COPA: variants seen among roughly 807,000 people sequenced by gnomAD.
The protein encoded by COPA is coat protein complex I subunit alpha.
COPA carries 10 observed loss-of-function variants against 158.7 expected under a neutral mutation model. The observed-to-expected ratio is 0.06, with a 90% CI of 0.04 to 0.11. The LOEUF (loss-of-function observed/expected upper bound fraction) is 0.11, where lower values mean the gene tolerates loss of function less well. Among genes scored for constraint, COPA ranks in the 10% least tolerant of loss-of-function variants. The pLI is 1.00. For synonymous variants in COPA, 462 were observed against 542.8 expected (o/e 0.85, Z 2.07); for missense variants, 1,065 against 1,536.7 (o/e 0.69, Z 5.13).
At chr1:160,304,022 T>TC (rs1491148485) in intron 17 of COPA, among the ~76,000 whole-genome samples, 1 of 151,862 alleles carries the variant, frequency 6.6e-6, no homozygotes, top group Non-Finnish European at 1.5e-5. Context: ...AATTTTTTGT[T>TC]CTTTTTTTTT....
rs750590749 is a variant in COPA, at chr1:160,332,564, G to GAA, written c.387-9_387-8dup. 37 of 1,404,094 alleles carry GAA rather than the reference G, an allele frequency of 2.6e-5. No homozygotes were observed. The highest frequency in any genetic ancestry group is 9.1e-5 in the Admixed American group (4 of 44,066). 87.0% of individuals were successfully genotyped at this position (1,404,094 alleles called of 1,614,324 possible). Reference sequence around the variant, plus strand: ...GTTGTGCCCTGTTAACACACTGCAAGAAAAAAAAAAGACAATACCAAATTA... The same window carrying GAA: ...GTTGTGCCCTGTTAACACACTGCAAGAAAAAAAAAAAAGACAATACCAAATTA... On this transcript the variant is annotated splice_region_variant and splice_polypyrimidine_tract_variant and intron_variant, in intron 5 of 32. Transcript: ENST00000241704.
Position 160,323,491 on chromosome 1 carries a change from T to C in COPA, c.646A>G (p.Thr216Ala), listed in dbSNP as rs530428285. The C allele has an allele frequency of 5.6e-6, 9 of 1,611,026 alleles. No homozygotes were observed. Among genetic ancestry groups the C allele is most frequent in the African/African-American group, 1.3e-5 (1 of 74,932 alleles). ...GCCCCAGATACAATAAGGGGCATAG[T>C]GGGGTGGAAGGCAGCCCAGTTTACT... ...RGVNWAAFHP[T>A]MPLIVSGADD... Residue 216 changes from threonine (T) to alanine (A), a missense_variant, in exon 8 of 33, where the codon ACT (threonine) becomes GCT (alanine). Thr to Ala is a moderately conservative substitution (Grantham distance 58). Transcript: ENST00000241704.
At chr1:160,313,841 G>A (rs140870753) in intron 9 of COPA, 149 bp downstream of exon 9, 10 of 627,624 alleles carry the variant, frequency 1.6e-5, no homozygotes, top group African/African-American at 1.1e-4. Flanking sequence ...TGTAAATGTT[G>A]ACTGATCTCT....
chr1:160,336,683 G>A (rs1186516995), intron 3 of COPA, among the ~76,000 whole-genome samples: 1 of 151,996 alleles, frequency 6.6e-6, no homozygotes, highest in Non-Finnish European at 1.5e-5. Context: ...ACAAAAATAA[G>A]AGACCAGATG....
intron 8 of COPA, among the ~76,000 whole-genome samples, chr1:160,320,347 C>T (rs1321544640): frequency 2.6e-5 from 4 of 152,030 alleles, no homozygotes; most frequent in African/African-American, 7.2e-5. Context: ...TGGTGGCCCA[C>T]GTCTGTAATC....
Position 160,293,077 on chromosome 1 carries a change from A to T in COPA, c.2823+89T>A. 1.1e-5 allele frequency: 14 copies of T among 1,260,076 alleles called. 1 individual carries two copies. In the South Asian group the frequency reaches 1.8e-4, roughly 16 times the overall value. 78.1% of individuals were successfully genotyped at this position (1,260,076 alleles called of 1,614,324 possible). On this transcript the variant is annotated intron_variant, in intron 27 of 32. Transcript: ENST00000241704. The stretch of plus-strand genomic sequence containing the variant: ...AATATACACCTTTCCCCTTATGGGT[A>T]GGATAATTTCCCTTGATTAAAATGA...
At position 160,339,971 on chromosome 1, in the gene COPA, C is replaced by T. The variant is rs1474470074; in HGVS notation, c.166G>A (p.Gly56Ser). Residue 56 changes from glycine (G) to serine (S), a missense_variant, in exon 3 of 33, where the codon GGC becomes AGC. This residue lies in a region of COPA where 85 missense variants were observed against 178.9 expected (regional missense o/e 0.48). Transcript: ENST00000241704. ...KFDEHDGPVRGIDFHKQQPLF... is the reference protein window; with the variant it reads ...KFDEHDGPVRSIDFHKQQPLF... ...GGCTGCTGCTTATGGAAGTCAATGC[C>T]TCGCACTGGACCTGGTGGAGAAGGC... is the stretch of plus-strand genomic sequence containing the variant. 1.2e-6 allele frequency: 2 copies of T among 1,614,112 alleles called. No individual in the cohort carries two copies. The highest frequency in any genetic ancestry group is 1.7e-6 in the Non-Finnish European group (2 of 1,179,974).
chr1:160,327,899 TTG>T (rs1471436893), intron 6 of COPA, among the ~76,000 whole-genome samples: 2 of 152,188 alleles, frequency 1.3e-5, no homozygotes, highest in African/African-American at 4.8e-5. Flanking sequence ...AGCCTAAACT[TTG>T]CCATCTGTAG....
At chr1:160,333,491 A>T in intron 5 of COPA, 112 bp downstream of exon 5, 1 of 686,070 alleles carries the variant, frequency 1.5e-6, no homozygotes, top group Non-Finnish European at 2.4e-6. Flanking sequence ...ATCAGTAATT[A>T]ATCAGCCGAC....
At chr1:160,342,530 G>A (rs1648128328) in intron 1 of COPA, among the ~76,000 whole-genome samples, 1 of 152,120 alleles carries the variant, frequency 6.6e-6, no homozygotes, top group African/African-American at 2.4e-5. Flanking sequence ...ACTATTCATT[G>A]TTTACCTGAA....
At position 160,295,815 on chromosome 1, in the gene COPA, T is replaced by C. The variant is rs772545818; in HGVS notation, c.2397A>G (p.Ala799=). The C allele has an allele frequency of 5.6e-6, 9 of 1,613,310 alleles. No homozygotes were observed. Among genetic ancestry groups the C allele is most frequent in the South Asian group, 1.1e-5 (1 of 90,860 alleles). The change falls in exon 23 of 33, where the codon GCA becomes GCG. Residue 799 remains alanine, a synonymous_variant. Coordinates refer to ENST00000241704, the MANE Select transcript of COPA (RefSeq NM_004371.4). The part of the protein sequence containing the change: ...DPNAKLLQPP[A]PIMPLDTNWP... ...AATTGGTATCCAATGGCATGATAGG[T>C]GCAGGTGGCTGGAGCAGCTTGGCAT...
intron 12 of COPA, among the ~76,000 whole-genome samples, chr1:160,309,930 C>T (rs764404404): frequency 4.6e-5 from 7 of 152,188 alleles, no homozygotes; most frequent in Non-Finnish European, 8.8e-5. Flanking sequence ...AACATTCTCT[C>T]AAATTATTTC....
chr1:160,332,809 CTT>C (rs1647591319), intron 5 of COPA, among the ~76,000 whole-genome samples: 1 of 152,170 alleles, frequency 6.6e-6, no homozygotes, highest in Non-Finnish European at 1.5e-5. Flanking sequence ...TTACATAGCT[CTT>C]CTCTCAAAAA....
rs1396829399 is a variant in COPA at position 160,293,456 on chromosome 1, G to A, written c.2684C>T (p.Ser895Phe). 1.3e-6 allele frequency: 2 copies of A among 1,592,734 alleles called. No individual in the cohort carries two copies. The highest frequency in any genetic ancestry group is 2.2e-5 in the East Asian group (1 of 44,706). ...DLELPPELDI[S>F]PGAAGGAEDG... The stretch of plus-strand genomic sequence containing the variant: ...TTCAGCCCCACCAGCTGCCCCAGGG[G>A]ATATATCCTAGGGGAAAAACAAAAA... Residue 895 changes from serine (S) to phenylalanine (F), a missense_variant, in exon 26 of 33, where the codon TCC becomes TTC. By Grantham distance (155) the Ser-to-Phe change is radical. Coordinates refer to ENST00000241704, the MANE Select transcript of COPA (RefSeq NM_004371.4).
At chr1:160,315,324 G>T (rs1557868705) in intron 8 of COPA, among the ~76,000 whole-genome samples, 1 of 152,332 alleles carries the variant, frequency 6.6e-6, no homozygotes, top group East Asian at 1.9e-4. Flanking sequence ...CTGAGGACAG[G>T]CAGAGAGAAA....
At position 160,339,923 on chromosome 1, in the gene COPA, C is replaced by A; in HGVS notation, c.214G>T (p.Asp72Tyr). The change falls in exon 3 of 33, where the codon GAC becomes TAC. Residue 72 changes from aspartate (D) to tyrosine (Y), a missense_variant. By Grantham distance (160) the Asp-to-Tyr change is radical. This residue lies in a region of COPA where 85 missense variants were observed against 178.9 expected (regional missense o/e 0.48). Coordinates refer to ENST00000241704, the MANE Select transcript of COPA (RefSeq NM_004371.4). The stretch of plus-strand genomic sequence containing the variant: ...ACCCTCTGTACCTTAATCTTATAGT[C>A]ATCTCCTCCAGAGACGAACAGTGGC... ...QQPLFVSGGD[D>Y]YKIKVWNYKL... The A allele has an allele frequency of 6.2e-7, 1 of 1,613,994 alleles. No individual in the cohort carries two copies. Among genetic ancestry groups the A allele is most frequent in the Non-Finnish European group, 8.5e-7 (1 of 1,179,882 alleles).
intron 31 of COPA, 133 bp from the exon 32 acceptor site, chr1:160,290,819 G>T: frequency 5.1e-6 from 4 of 777,772 alleles, no homozygotes; most frequent in Non-Finnish European, 8.6e-6. Context: ...CCCAACCTCT[G>T]TACTGGATGT....
intron 17 of COPA, among the ~76,000 whole-genome samples, chr1:160,302,843 C>T (rs778439994): frequency 1.3e-5 from 2 of 151,958 alleles, no homozygotes; most frequent in African/African-American, 2.4e-5. Flanking sequence ...CGTGAGCGAC[C>T]GTGCTGGGCC....
rs1658923643 is a variant in COPA, at chr1:160,310,350, A to G, written c.1077-92T>C. ...CACCCCCACACCTCCTACTTATCCA[A>G]TCTTTACACTATATACTCATCACTT... is the stretch of plus-strand genomic sequence containing the variant. On this transcript the variant is annotated intron_variant, in intron 11 of 32. Coordinates refer to ENST00000241704, the MANE Select transcript of COPA (RefSeq NM_004371.4). 6.1e-6 allele frequency: 4 copies of G among 658,892 alleles called. 1 individual carries two copies. The highest frequency in any genetic ancestry group is 5.6e-5 in the East Asian group (2 of 35,874). 40.8% of individuals were successfully genotyped at this position (658,892 alleles called of 1,614,324 possible). A position where few individuals can be genotyped will look rare whatever the true frequency, so the allele number is the denominator to read the frequency against.
Sources: allele counts gnomAD v4.1 joint callset (sites outside exome capture counted in the v4.1 genomes callset), GRCh38; gene constraint gnomAD v4.1.1; regional missense constraint gnomAD v4.1.1; transcripts MANE v1.5; gene names NCBI Gene and HGNC (gene_info 2026-07-23, HGNC 2026-07-21).